Variants in NUDT6 observed in about 807,000 individuals in gnomAD.
NUDT6 encodes the protein nudix hydrolase 6, also known as FAD diphosphatase NUDT6.
Under a neutral mutation model 36.8 loss-of-function variants are expected in NUDT6, and 24 were observed. The ratio of observed to expected loss-of-function variants is 0.65; its 90% CI spans 0.47 to 0.92. NUDT6 has a LOEUF of 0.92. Among genes scored for constraint, NUDT6 ranks in the 40% least tolerant of loss-of-function variants. The pLI, the probability that NUDT6 is intolerant of heterozygous loss-of-function variation, is 0.00. For missense variants in NUDT6, 388 were observed against 392.8 expected (o/e 0.99, Z 0.10); for synonymous variants, 163 against 157.0 (o/e 1.04, Z -0.29).
At chr4:122,914,890 T>C (rs1215853001) in intron 2 of NUDT6, among the ~76,000 whole-genome samples, 1 of 152,156 alleles carries the variant, frequency 6.6e-6, no homozygotes, top group African/African-American at 2.4e-5. Context: ...AGTGATACAA[T>C]ATAATTAATT....
At chr4:122,913,850 T>C (rs1727778355) in intron 2 of NUDT6, among the ~76,000 whole-genome samples, 1 of 152,174 alleles carries the variant, frequency 6.6e-6, no homozygotes, top group African/African-American at 2.4e-5. Context: ...TTTATTATGA[T>C]CTTTTAGATG....
chr4:122,904,924 C>T (rs543492473), intron 3 of NUDT6, among the ~76,000 whole-genome samples: 37 of 152,186 alleles, frequency 2.4e-4, no homozygotes, highest in African/African-American at 7.5e-4. Context: ...AGAATGAAGC[C>T]GCGGACCTTC....
rs113708696 is a variant in NUDT6 at position 122,899,044 on chromosome 4, A to ATTTTTTTTTTTTTTTTTTTTTTT, written c.499-1367_499-1366insAAAAAAAAAAAAAAAAAAAAAAA. On this transcript the variant is annotated intron_variant, in intron 3 of 4. Transcript: ENST00000304430. ...CTACAGGTGTGCACCACCACACCTA[A>ATTTTTTTTTTTTTTTTTTTTTTT]TTTTTTTTTTTTTTTTAGAGATGAG... Among the ~76,000 whole-genome samples the ATTTTTTTTTTTTTTTTTTTTTTT allele has an allele frequency of 1.7e-3, 116 of 69,396 alleles. 32 individuals carry two copies. Among genetic ancestry groups the ATTTTTTTTTTTTTTTTTTTTTTT allele is most frequent in the Middle Eastern group, 7.5e-3 (1 of 134 alleles). 45.5% of individuals were successfully genotyped at this position (69,396 alleles called of 152,430 possible). A position where few individuals can be genotyped will look rare whatever the true frequency, so the allele number is the denominator to read the frequency against.
intron 4 of NUDT6, chr4:122,896,725 T>A (rs998622818): frequency 3.9e-5 from 6 of 152,370 alleles, no homozygotes; most frequent in Admixed American, 2.0e-4. Flanking sequence ...TATGGTATTT[T>A]GATTTGTGTA....
In NUDT6 at chr4:122,922,374, C is replaced by T. The variant is rs758997886; in HGVS notation, c.199G>A (p.Asp67Asn). Residue 67 changes from aspartate to asparagine, a missense_variant, in exon 1 of 5, where the codon GAC becomes AAC. Coordinates refer to ENST00000304430, the MANE Select transcript of NUDT6 (RefSeq NM_007083.5). Reference protein sequence around the residue: ...SVRLARLDALDRLDAAAFQKG... With the variant: ...SVRLARLDALNRLDAAAFQKG... ...TGGAAGGCGGCAGCGTCCAGGCGGTCCAGCGCATCGAGCCGCGCCAGGCGC... is the reference window on the plus strand; with the variant it reads ...TGGAAGGCGGCAGCGTCCAGGCGGTTCAGCGCATCGAGCCGCGCCAGGCGC... 5.6e-6 allele frequency: 9 copies of T among 1,606,402 alleles called. No individual in the cohort carries two copies. In the South Asian group the frequency reaches 6.6e-5, roughly 12 times the overall value.
At chr4:122,909,329 C>A (rs1005158914) in intron 3 of NUDT6, among the ~76,000 whole-genome samples, 8 of 152,032 alleles carry the variant, frequency 5.3e-5, no homozygotes, top group African/African-American at 1.7e-4. Flanking sequence ...GTTATTGTAA[C>A]CTCTCTAAAT....
chr4:122,917,731 T>C (rs1727875730), intron 1 of NUDT6, 27 bp from the exon 2 acceptor site: 1 of 1,606,484 alleles, frequency 6.2e-7, no homozygotes, highest in Non-Finnish European at 8.5e-7. Context: ...AAAGTCTAAA[T>C]AATTTCCAAA....
chr4:122,902,892 T>C (rs147133118), intron 3 of NUDT6, among the ~76,000 whole-genome samples: 1 of 152,288 alleles, frequency 6.6e-6, no homozygotes, highest in Admixed American at 6.5e-5. Flanking sequence ...CAAAAAACAC[T>C]TGACATTAAT....
chr4:122,906,082 CTT>C (rs1727610980), intron 3 of NUDT6, among the ~76,000 whole-genome samples: 1 of 152,180 alleles, frequency 6.6e-6, no homozygotes, highest in Non-Finnish European at 1.5e-5. Flanking sequence ...GATCCCCACT[CTT>C]TTCCTGTTAG....
At chr4:122,915,236 C>A (rs1727804774) in intron 2 of NUDT6, among the ~76,000 whole-genome samples, 1 of 152,120 alleles carries the variant, frequency 6.6e-6, no homozygotes, top group African/African-American at 2.4e-5. Flanking sequence ...ATAACAAATG[C>A]CAATTATTTT....
intron 1 of NUDT6, chr4:122,917,929 A>T (rs1205458149): frequency 1.9e-6 from 1 of 530,536 alleles, no homozygotes; most frequent in South Asian, 2.1e-5. Flanking sequence ...AAGTCATTAC[A>T]CTGCTGACCT....
At chr4:122,898,616 G>C (rs967092168) in intron 3 of NUDT6, among the ~76,000 whole-genome samples, 1 of 152,140 alleles carries the variant, frequency 6.6e-6, no homozygotes, top group Non-Finnish European at 1.5e-5. Context: ...TGCTAGGTTG[G>C]AGACCAGTGG....
chr4:122,915,479 A>AAAAAC (rs1727814392), intron 2 of NUDT6, among the ~76,000 whole-genome samples: 6 of 80,652 alleles, frequency 7.4e-5, no homozygotes, highest in African/African-American at 2.1e-4. Flanking sequence ...CAAAAAAAAA[A>AAAAAC]AAAAAAAAAA....
chr4:122,905,804 G>A (rs1438273497), intron 3 of NUDT6, among the ~76,000 whole-genome samples: 2 of 152,162 alleles, frequency 1.3e-5, no homozygotes, highest in Non-Finnish European at 2.9e-5. Flanking sequence ...CAGTAAAGAT[G>A]CACAAGGATT....
intron 2 of NUDT6, among the ~76,000 whole-genome samples, chr4:122,913,645 A>G (rs1272101679): frequency 6.6e-6 from 1 of 152,220 alleles, no homozygotes; most frequent in African/African-American, 2.4e-5. Context: ...TTTTCTTATT[A>G]TGTATATACA....
At chr4:122,900,790 A>G (rs770522115) in intron 3 of NUDT6, among the ~76,000 whole-genome samples, 33 of 152,048 alleles carry the variant, frequency 2.2e-4, no homozygotes, top group Middle Eastern at 3.2e-3. Context: ...GGGCTCACGA[A>G]TGTGGACTAC....
At chr4:122,909,802 G>C (rs185080781) in intron 3 of NUDT6, among the ~76,000 whole-genome samples, 44 of 152,258 alleles carry the variant, frequency 2.9e-4, no homozygotes, top group Non-Finnish European at 5.7e-4. Flanking sequence ...AAGAAACTCA[G>C]AGTGGAAAAA....
intron 2 of NUDT6, among the ~76,000 whole-genome samples, chr4:122,915,977 G>A (rs1727831443): frequency 6.6e-6 from 1 of 152,030 alleles, no homozygotes; most frequent in South Asian, 2.1e-4. Context: ...ATTATATAAA[G>A]GCAAATAAAA....
intron 3 of NUDT6, among the ~76,000 whole-genome samples, chr4:122,898,821 T>C (rs1043915421): frequency 2.0e-5 from 3 of 152,294 alleles, no homozygotes; most frequent in African/African-American, 7.2e-5. Context: ...TCCCAGAAGG[T>C]TTATTTCTCC....
Sources: gnomAD v4.1 joint callset for allele counts (sites outside exome capture counted in the v4.1 genomes callset) on GRCh38, gnomAD v4.1.1 for gene constraint, MANE v1.5 for transcripts, NCBI Gene and HGNC (gene_info 2026-07-23, HGNC 2026-07-21) for gene names.